MYO19: variants seen among roughly 807,000 people sequenced by gnomAD.
The protein encoded by MYO19 is myosin XIX.
In MYO19, 132 loss-of-function variants were observed where a neutral mutation model predicts 129.2. The ratio of observed to expected loss-of-function variants is 1.02; its 90% CI spans 0.89 to 1.18. The LOEUF is 1.18. MYO19 is among the 50% of genes most tolerant of loss of function. The probability of loss-of-function intolerance (pLI) is 0.00; values close to 1 mark genes in which losing one functional copy is unlikely to be tolerated. For synonymous variants in MYO19, 531 were observed against 477.2 expected, an observed-to-expected ratio of 1.11 and a Z score of -1.47; for missense variants, 1,210 against 1,216.7, an observed-to-expected ratio of 0.99 and a Z score of 0.08.
At chr17:36,541,379 G>A (rs2074197277) in intron 2 of MYO19, among the ~76,000 whole-genome samples, 1 of 152,162 alleles carries the variant, frequency 6.6e-6, no homozygotes, top group Admixed American at 6.5e-5. Context: ...AATCATACAA[G>A]AACCTTATGT....
rs1015345210 is a variant in MYO19 at position 36,525,781 on chromosome 17, T to C, written c.301-440A>G. Among the ~76,000 whole-genome samples the C allele has an allele frequency of 3.9e-5, 6 of 152,354 alleles. No individual in the cohort carries two copies. The South Asian group carries it at 8.3e-4, about 21-fold the overall frequency. ...CTTGCAAGGCCACTCAGCAAGTAAG[T>C]ATATCCATGTGATTTAAATTCCAAA... is the stretch of plus-strand genomic sequence containing the variant. On this transcript the variant is annotated intron_variant, in intron 5 of 25. Transcript: ENST00000614623.
intron 7 of MYO19, among the ~76,000 whole-genome samples, 158 bp from the exon 8 acceptor site, chr17:36,515,340 G>A (rs1475930110): frequency 6.6e-6 from 1 of 152,156 alleles, no homozygotes; most frequent in Non-Finnish European, 1.5e-5. Flanking sequence ...CTAGAAAATG[G>A]GCCCTCATGC....
In MYO19 at chr17:36,510,732, G is replaced by C. The variant is rs1297148614; in HGVS notation, c.1157+14C>G. 6.3e-7 allele frequency: 1 copy of C among 1,584,620 alleles called. No individual in the cohort carries two copies. Among genetic ancestry groups the C allele is most frequent in the Non-Finnish European group, 8.6e-7 (1 of 1,161,100 alleles). On this transcript the variant is annotated intron_variant, in intron 13 of 25. Coordinates refer to ENST00000614623, the MANE Select transcript of MYO19 (RefSeq NM_001163735.2). ...CGGGGTCCTCCCCAACAAGGGGCCA[G>C]AGTAACTGCTCACCGCGCATAGATC... is the stretch of plus-strand genomic sequence containing the variant.
At position 36,507,408 on chromosome 17, in the gene MYO19, G is replaced by A; in HGVS notation, c.1458C>T (p.Leu486=). 1.2e-6 allele frequency: 2 copies of A among 1,613,374 alleles called. No homozygotes were observed. The highest frequency in any genetic ancestry group is 1.7e-6 in the Non-Finnish European group (2 of 1,179,790). The part of the protein sequence containing the change: ...IEGSPISICS[L]INEECRLNRP... ...TAGCTGACCTCCCCACCTCATTTATGAGGGAGCAGATGCTGATGGGGCTTC... is the reference window on the plus strand; with the variant it reads ...TAGCTGACCTCCCCACCTCATTTATAAGGGAGCAGATGCTGATGGGGCTTC... Residue 486 remains leucine, a synonymous_variant, in exon 16 of 26, where the codon CTC becomes CTT. Transcript: ENST00000614623.
chr17:36,530,966 G>A (rs994981698), intron 3 of MYO19, among the ~76,000 whole-genome samples: 5 of 152,066 alleles, frequency 3.3e-5, no homozygotes, highest in African/African-American at 1.2e-4. Context: ...GGCTGGGTGC[G>A]GTGGCTCACC....
At position 36,511,203 on chromosome 17, in the gene MYO19, C is replaced by T; in HGVS notation, c.985+162G>A. 9.3e-6 allele frequency: 7 copies of T among 752,254 alleles called. No homozygotes were observed. In the South Asian group the frequency reaches 1.2e-4, roughly 13 times the overall value. The allele number at this position is 752,254 out of a possible 1,614,324, so 46.6% of individuals were successfully genotyped here. A position where few individuals can be genotyped will look rare whatever the true frequency, so the allele number is the denominator to read the frequency against. On this transcript the variant is annotated intron_variant, in intron 12 of 25. Transcript: ENST00000614623. ...ATGGGGACGATACTGTCTGCCTCACCAGACAGGGTGAGGAGTAAATGATCC... is the reference window on the plus strand; with the variant it reads ...ATGGGGACGATACTGTCTGCCTCACTAGACAGGGTGAGGAGTAAATGATCC...
At chr17:36,523,198 A>C (rs1412991373) in intron 6 of MYO19, among the ~76,000 whole-genome samples, 5 of 151,612 alleles carry the variant, frequency 3.3e-5, no homozygotes, top group South Asian at 2.1e-4. Flanking sequence ...AAAAAAAAAA[A>C]AAACAAAAAC....
rs1227304649 is a variant in MYO19, at chr17:36,528,259, A to G, written c.13-57T>C. 5 of 1,523,818 alleles carry G rather than the reference A, an allele frequency of 3.3e-6. No individual in the cohort carries two copies. The African/African-American group carries it at 6.9e-5, about 21-fold the overall frequency. The allele number at this position is 1,523,818 out of a possible 1,614,324, so 94.4% of individuals were successfully genotyped here. On this transcript the variant is annotated intron_variant, in intron 3 of 25. Coordinates refer to ENST00000614623, the MANE Select transcript of MYO19 (RefSeq NM_001163735.2). ...CACAGTGGCTCATGCCTATAATCCC[A>G]GCACTCTGGGAGGCCAAGGCGGGCA...
intron 5 of MYO19, 104 bp downstream of exon 5, chr17:36,527,447 G>GA: frequency 7.5e-7 from 1 of 1,325,942 alleles, no homozygotes; most frequent in Non-Finnish European, 1.0e-6. Context: ...GACTCTGAAT[G>GA]ACCACATTGC....
chr17:36,523,440 G>C (rs924440748), intron 6 of MYO19, among the ~76,000 whole-genome samples: 1 of 152,050 alleles, frequency 6.6e-6, no homozygotes, highest in African/African-American at 2.4e-5. Context: ...TTCCAGATTT[G>C]GTGACAAGTC....
In MYO19 at chr17:36,527,563, C is replaced by T. The variant is rs916461285; in HGVS notation, c.288G>A (p.Ala96=). The change falls in exon 5 of 26, where the codon GCG becomes GCA. Residue 96 remains alanine (A), a synonymous_variant. Coordinates refer to ENST00000614623, the MANE Select transcript of MYO19 (RefSeq NM_001163735.2). ...GGCAGAGCCTTACCTGGGGCTGAGG[C>T]GCAGCATGGTACTCTCTCATTAGCT... ...SPELMREYHA[A]PQPQKLKPHV... is the part of the protein sequence containing the mutation. The T allele has an allele frequency of 4.8e-5, 77 of 1,613,426 alleles. No individual in the cohort carries two copies. The highest frequency in any genetic ancestry group is 6.7e-5 in the East Asian group (3 of 44,886).
intron 14 of MYO19, 115 bp from the exon 15 acceptor site, chr17:36,508,039 G>T: frequency 1.7e-6 from 2 of 1,165,596 alleles, no homozygotes; most frequent in Non-Finnish European, 1.2e-6. Flanking sequence ...GGCAGCCTGG[G>T]CATCAGGCTG....
chr17:36,499,293 A>G, intron 23 of MYO19, 133 bp from the exon 24 acceptor site: 1 of 594,246 alleles, frequency 1.7e-6, no homozygotes, highest in South Asian at 1.9e-5. Context: ...AAATTGCTAC[A>G]AATAAGGTTC....
chr17:36,540,208 G>A (rs75849943), intron 2 of MYO19, among the ~76,000 whole-genome samples: 10,692 of 152,058 alleles, frequency 0.07, 633 homozygotes, highest in African/African-American at 0.16. Context: ...ATAAAACTAT[G>A]GCTAAATTAA....
intron 11 of MYO19, 120 bp from the exon 12 acceptor site, chr17:36,511,575 A>ACG (rs1200949324): frequency 1.8e-5 from 15 of 827,442 alleles, no homozygotes; most frequent in African/African-American, 1.3e-4. Context: ...ATCATGGCCC[A>ACG]AGTGCCCATC....
intron 11 of MYO19, chr17:36,513,184 G>A: frequency 7.1e-7 from 1 of 1,417,940 alleles, no homozygotes; most frequent in Non-Finnish European, 9.2e-7. Context: ...TGCCCCCATG[G>A]ATCACTTACT....
chr17:36,541,525 G>A (rs1460685390), intron 2 of MYO19, among the ~76,000 whole-genome samples: 10 of 152,046 alleles, frequency 6.6e-5, no homozygotes, highest in African/African-American at 1.7e-4. Context: ...TGTGGCTAGC[G>A]TCTCACACAT....
chr17:36,520,794 CTGTTA>C (rs994974683), intron 6 of MYO19, among the ~76,000 whole-genome samples: 2 of 152,280 alleles, frequency 1.3e-5, no homozygotes, highest in African/African-American at 4.8e-5. Flanking sequence ...TACGTACTGA[CTGTTA>C]TGTTATTTGT....
upstream of MYO19, among the ~76,000 whole-genome samples, chr17:36,536,524 C>CTTTTTT (rs10715370): frequency 3.1e-4 from 39 of 125,540 alleles, no homozygotes; most frequent in African/African-American, 9.5e-4. Flanking sequence ...TTTTCTTTTC[C>CTTTTTT]TTTTTTTTTT....
Sources: gnomAD v4.1 joint callset for allele counts (sites outside exome capture counted in the v4.1 genomes callset) on GRCh38, gnomAD v4.1.1 for gene constraint, MANE v1.5 for transcripts, NCBI Gene and HGNC (gene_info 2026-07-23, HGNC 2026-07-21) for gene names.